RPTOR: variants seen among roughly 807,000 people sequenced by gnomAD.
The protein encoded by RPTOR is regulatory-associated protein of mTOR.
In RPTOR, 21 loss-of-function variants were observed where a neutral mutation model predicts 169.9. The ratio of observed to expected loss-of-function variants is 0.12; its 90% CI spans 0.09 to 0.18. The LOEUF (loss-of-function observed/expected upper bound fraction) is 0.18. Ranked by LOEUF, RPTOR falls within the 10% of genes least tolerant of loss-of-function variation. The pLI is 1.00. For missense variants in RPTOR, 1,133 were observed against 1,855.9 expected (o/e 0.61, Z 7.16); for synonymous variants, 732 against 753.2 (o/e 0.97, Z 0.46).
At chr17:80,930,451 G>GCTCATT (rs1567993902) in intron 24 of RPTOR, among the ~76,000 whole-genome samples, 2 of 12,878 alleles carry the variant, frequency 1.6e-4, no homozygotes, top group African/African-American at 6.6e-4. Context: ...CTCATCCTCA[G>GCTCATT]CTCATCCCCA....
intron 5 of RPTOR, among the ~76,000 whole-genome samples, chr17:80,745,979 T>C (rs927932917): frequency 5.9e-5 from 9 of 152,068 alleles, no homozygotes; most frequent in Non-Finnish European, 7.4e-5. Flanking sequence ...CTGGCCAACA[T>C]TGGTGAAACC....
rs541173130 is a variant in RPTOR at position 80,927,392 on chromosome 17, C to T, written c.2919+1912C>T. Among the ~76,000 whole-genome samples, 4 of 152,286 alleles carry T rather than the reference C, an allele frequency of 2.6e-5. No homozygotes were observed. The East Asian group carries it at 7.7e-4, about 29-fold the overall frequency. Reference sequence around the variant, plus strand: ...AATTTCTTGGTGTGATAACGAGAGGCTTTTCTTGAAGTCCTTGAAAAATGC... The same window carrying T: ...AATTTCTTGGTGTGATAACGAGAGGTTTTTCTTGAAGTCCTTGAAAAATGC... On this transcript the variant is annotated intron_variant, in intron 24 of 33. Coordinates refer to ENST00000306801, the MANE Select transcript of RPTOR (RefSeq NM_020761.3).
chr17:80,889,919 C>T (rs572488105), intron 17 of RPTOR, among the ~76,000 whole-genome samples: 2 of 118,204 alleles, frequency 1.7e-5, no homozygotes, highest in Non-Finnish European at 3.7e-5. Flanking sequence ...GTGCGGCCTC[C>T]GAGGGAGGCC....
intron 4 of RPTOR, among the ~76,000 whole-genome samples, chr17:80,729,615 A>AC (rs2066371946): frequency 6.6e-6 from 1 of 152,118 alleles, no homozygotes; most frequent in Non-Finnish European, 1.5e-5. Flanking sequence ...ACCCACTTAT[A>AC]CCCCTTAAGT....
At chr17:80,765,419 A>C (rs375361329) in intron 6 of RPTOR, among the ~76,000 whole-genome samples, 4 of 152,114 alleles carry the variant, frequency 2.6e-5, no homozygotes, top group African/African-American at 4.8e-5. Context: ...CGCTTGTCCA[A>C]CTGTTTCTTA....
chr17:80,903,148 C>G (rs915097077), intron 20 of RPTOR, among the ~76,000 whole-genome samples: 3 of 152,194 alleles, frequency 2.0e-5, no homozygotes, highest in East Asian at 1.9e-4. Context: ...CACAGCCCTG[C>G]GGAGCCTGGA....
chr17:80,712,654 T>C (rs1285022769), intron 4 of RPTOR, among the ~76,000 whole-genome samples: 1 of 152,248 alleles, frequency 6.6e-6, no homozygotes, highest in Non-Finnish European at 1.5e-5. Flanking sequence ...TGTATGGATA[T>C]AAGCTTTCCA....
chr17:80,583,501 T>C (rs1004108818), intron 1 of RPTOR, among the ~76,000 whole-genome samples: 2 of 152,168 alleles, frequency 1.3e-5, no homozygotes, highest in Non-Finnish European at 2.9e-5. Context: ...GTTCACTGCC[T>C]CTTTCTGAGG....
intron 16 of RPTOR, 98 bp downstream of exon 16, chr17:80,884,070 C>A: frequency 2.4e-6 from 3 of 1,229,808 alleles, no homozygotes; most frequent in Non-Finnish European, 3.4e-6. Flanking sequence ...GGCCACGTGT[C>A]CAGGAACTTC....
chr17:80,887,759 T>C (rs1401243134), intron 17 of RPTOR, among the ~76,000 whole-genome samples: 1 of 152,242 alleles, frequency 6.6e-6, no homozygotes, highest in East Asian at 1.9e-4. Context: ...AATAAAAGTG[T>C]CCTCTCCTGT....
chr17:80,674,806 A>C (rs1341627523), intron 3 of RPTOR, among the ~76,000 whole-genome samples: 14 of 109,562 alleles, frequency 1.3e-4, no homozygotes, highest in African/African-American at 1.1e-4. Flanking sequence ...AAAAAAAAAA[A>C]AAAAAAAAAA....
At chr17:80,899,410 AT>A (rs869277010) in intron 20 of RPTOR, among the ~76,000 whole-genome samples, 3 of 152,116 alleles carry the variant, frequency 2.0e-5, no homozygotes, top group African/African-American at 4.8e-5. Context: ...GTATTTAAAA[AT>A]TTTTTTTTAA....
rs551607733 is a variant in RPTOR at position 80,701,988 on chromosome 17, G to T, written c.349-5853G>T. ...ACCATGCCGCCACGAGGGCCACTGG[G>T]AGCAGAGTCCCTCCCATGCTCAGGG... On this transcript the variant is annotated intron_variant, in intron 3 of 33. Coordinates refer to ENST00000306801, the MANE Select transcript of RPTOR (RefSeq NM_020761.3). 2.0e-4 allele frequency among the ~76,000 whole-genome samples: 30 copies of T among 152,286 alleles called. No individual in the cohort carries two copies. In the South Asian group the frequency reaches 2.7e-3, roughly 14 times the overall value.
chr17:80,731,151 T>C (rs562185413), intron 5 of RPTOR, among the ~76,000 whole-genome samples: 1 of 152,314 alleles, frequency 6.6e-6, no homozygotes, highest in African/African-American at 2.4e-5. Context: ...GTTCTGGGAT[T>C]ACAGGCTTGA....
intron 20 of RPTOR, among the ~76,000 whole-genome samples, chr17:80,897,032 C>T (rs1051696837): frequency 6.6e-6 from 1 of 152,008 alleles, no homozygotes; most frequent in Admixed American, 6.5e-5. Flanking sequence ...AGGCGGAGGC[C>T]GAGACGGGCG....
At chr17:80,744,754 CTGTCCTGGCTACT>C (rs1598275087) in intron 5 of RPTOR, among the ~76,000 whole-genome samples, 4 of 73,838 alleles carry the variant, frequency 5.4e-5, no homozygotes, top group Admixed American at 9.6e-5. Flanking sequence ...GCTACTAGCA[CTGTCCTGGCTACT>C]AGCACTGTCC....
intron 6 of RPTOR, among the ~76,000 whole-genome samples, chr17:80,785,855 C>T (rs2066985489): frequency 6.6e-6 from 1 of 152,188 alleles, no homozygotes; most frequent in Non-Finnish European, 1.5e-5. Flanking sequence ...AGGGAAGCCA[C>T]TTATGTCTTC....
intron 3 of RPTOR, among the ~76,000 whole-genome samples, chr17:80,692,926 T>A (rs901919796): frequency 6.6e-6 from 1 of 152,240 alleles, no homozygotes; most frequent in Non-Finnish European, 1.5e-5. Flanking sequence ...CACTGAAATG[T>A]TTTAATAATA....
chr17:80,554,133 C>T (rs1010320348), intron 1 of RPTOR, among the ~76,000 whole-genome samples: 2 of 152,004 alleles, frequency 1.3e-5, no homozygotes, highest in Non-Finnish European at 2.9e-5. Flanking sequence ...TCAAGTGATC[C>T]TCCTGCCTCA....
Sources: allele counts gnomAD v4.1 joint callset (sites outside exome capture counted in the v4.1 genomes callset), GRCh38; gene constraint gnomAD v4.1.1; transcripts MANE v1.5; gene names NCBI Gene and HGNC (gene_info 2026-07-23, HGNC 2026-07-21).